DENND6A: variants seen among roughly 807,000 people sequenced by gnomAD.
The protein encoded by DENND6A is DENN domain containing 6A.
Under a neutral mutation model 95.5 loss-of-function variants are expected in DENND6A, and 43 were observed. The observed-to-expected ratio is 0.45, with a 90% confidence interval of 0.35 to 0.58. The LOEUF (loss-of-function observed/expected upper bound fraction) is 0.58, where lower values mean the gene tolerates loss of function less well. DENND6A is among the 20% of genes least tolerant of loss of function. The pLI is 0.00. For missense variants in DENND6A, 574 were observed against 736.0 expected, an observed-to-expected ratio of 0.78 and a Z score of 2.55; for synonymous variants, 257 against 260.4, an observed-to-expected ratio of 0.99 and a Z score of 0.13.
chr3:57,652,670 G>A (rs1264208919), intron 9 of DENND6A, among the ~76,000 whole-genome samples: 1 of 152,180 alleles, frequency 6.6e-6, no homozygotes, highest in African/African-American at 2.4e-5. Context: ...CAGTGGAGAA[G>A]CTTGGAGGAT....
rs574336317 is a variant in DENND6A at position 57,651,793 on chromosome 3, A to T, written c.819-5355T>A. 7.9e-4 allele frequency among the ~76,000 whole-genome samples: 120 copies of T among 152,344 alleles called. 1 individual carries two copies. Among genetic ancestry groups the T allele is most frequent in the African/African-American group, 2.4e-3 (100 of 41,582 alleles). On this transcript the variant is annotated intron_variant, in intron 9 of 19. Transcript: ENST00000311128. The stretch of plus-strand genomic sequence containing the variant: ...AAGAACATAGAAGCCACCCTGTACT[A>T]AGTTCTCACTGGCTAAACTGGGACA...
chr3:57,653,473 CGGTGGCTCACGCCT>C lies in DENND6A; in HGVS notation c.818+4193_818+4206del, dbSNP rs371945553. ...AAAAATATTAGTAGTAGGCCGGGCG[CGGTGGCTCACGCCT>C]GTAATCCCAGCACTTTGGGAGGCTG... On this transcript the variant is annotated intron_variant, in intron 9 of 19. Transcript: ENST00000311128. Among the ~76,000 whole-genome samples, 87 of 152,104 alleles carry C rather than the reference CGGTGGCTCACGCCT, an allele frequency of 5.7e-4. 1 individual carries two copies. The East Asian group carries it at 0.015, about 25-fold the overall frequency.
chr3:57,667,922 C>T (rs932513897), intron 3 of DENND6A, among the ~76,000 whole-genome samples: 3 of 152,028 alleles, frequency 2.0e-5, no homozygotes, highest in African/African-American at 4.8e-5. Context: ...AAAAATTAGC[C>T]GGATGCGGTG....
intron 12 of DENND6A, 38 bp from the exon 13 acceptor site, chr3:57,634,807 A>G (rs758304451): frequency 1.4e-5 from 20 of 1,458,818 alleles, no homozygotes; most frequent in Non-Finnish European, 1.8e-5. Flanking sequence ...TAATTATTCT[A>G]ATCATACATA....
Position 57,628,903 on chromosome 3 carries a change from C to G in DENND6A, c.1621-18G>C, listed in dbSNP as rs1422819678. On this transcript the variant is annotated intron_variant, in intron 18 of 19. Coordinates refer to ENST00000311128, the MANE Select transcript of DENND6A (RefSeq NM_152678.3). ...AGTAAGTCCTAGAATAAATAAAGTC[C>G]CAAATCAGTAAGTTCTCAAAATAAT... is the stretch of plus-strand genomic sequence containing the variant. 1 of 1,600,546 alleles carries G rather than the reference C, an allele frequency of 6.2e-7. No individual in the cohort carries two copies. Among genetic ancestry groups the G allele is most frequent in the East Asian group, 2.2e-5 (1 of 44,636 alleles).
intron 5 of DENND6A, among the ~76,000 whole-genome samples, chr3:57,662,007 A>G (rs1289921963): frequency 6.6e-6 from 1 of 151,772 alleles, no homozygotes; most frequent in Non-Finnish European, 1.5e-5. Flanking sequence ...CATTTCAGAT[A>G]CAAATTATCC....
chr3:57,683,097 T>C (rs2077181260), intron 1 of DENND6A, among the ~76,000 whole-genome samples: 1 of 152,204 alleles, frequency 6.6e-6, no homozygotes, highest in Admixed American at 6.5e-5. Flanking sequence ...TTATGGCCTA[T>C]GCAAATGGTC....
intron 1 of DENND6A, among the ~76,000 whole-genome samples, chr3:57,691,118 A>G (rs907178362): frequency 6.6e-6 from 1 of 152,244 alleles, no homozygotes; most frequent in African/African-American, 2.4e-5. Context: ...GTCCCAAATA[A>G]TGAGAATCCA....
intron 9 of DENND6A, among the ~76,000 whole-genome samples, chr3:57,653,893 C>T (rs1352832655): frequency 6.7e-6 from 1 of 149,904 alleles, no homozygotes; most frequent in South Asian, 2.1e-4. Context: ...TTATGCTAAG[C>T]TCCCACCACC....
intron 11 of DENND6A, among the ~76,000 whole-genome samples, chr3:57,643,985 C>T (rs111892433): frequency 0.13 from 20,365 of 151,100 alleles, 1,443 homozygotes; most frequent in South Asian, 0.21. Context: ...CCTGTCTCTA[C>T]TAAAAATACA....
intron 15 of DENND6A, among the ~76,000 whole-genome samples, chr3:57,631,569 C>T (rs1432455176): frequency 6.6e-6 from 1 of 152,128 alleles, no homozygotes; most frequent in Non-Finnish European, 1.5e-5. Flanking sequence ...CAACATTTTA[C>T]ATGCATGATC....
intron 9 of DENND6A, among the ~76,000 whole-genome samples, chr3:57,647,557 G>A (rs899793682): frequency 2.6e-5 from 4 of 152,286 alleles, no homozygotes; most frequent in South Asian, 2.1e-4. Flanking sequence ...TCAGTTCACA[G>A]AGCCCAGGAA....
chr3:57,670,001 CAG>C (rs1381989258), intron 3 of DENND6A, among the ~76,000 whole-genome samples: 1 of 103,142 alleles, frequency 9.7e-6, no homozygotes. Context: ...GCCTGGGTGA[CAG>C]AGCAAAACTC....
intron 12 of DENND6A, among the ~76,000 whole-genome samples, chr3:57,640,322 G>A (rs1050084433): frequency 4.7e-5 from 7 of 150,516 alleles, no homozygotes; most frequent in Admixed American, 3.3e-4. Flanking sequence ...GCAGGGAGTG[G>A]TGGCTCACAC....
At chr3:57,691,357 G>C (rs1174711448) in intron 1 of DENND6A, among the ~76,000 whole-genome samples, 18 of 152,180 alleles carry the variant, frequency 1.2e-4, no homozygotes, top group Admixed American at 1.2e-3. Flanking sequence ...AGTATTTATA[G>C]AATGCCACTA....
At chr3:57,685,237 ATATGAGT>A (rs1474342045) in intron 1 of DENND6A, among the ~76,000 whole-genome samples, 1 of 152,098 alleles carries the variant, frequency 6.6e-6, no homozygotes, top group African/African-American at 2.4e-5. Context: ...ATTCTTGTTT[ATATGAGT>A]TATATCTATC....
intron 8 of DENND6A, among the ~76,000 whole-genome samples, chr3:57,658,903 G>A (rs2071375695): frequency 6.6e-6 from 1 of 151,916 alleles, no homozygotes; most frequent in South Asian, 2.1e-4. Context: ...TATAAATTCT[G>A]AGTTCTCCAG....
intron 15 of DENND6A, 57 bp from the exon 16 acceptor site, chr3:57,631,035 C>A (rs1358944325): frequency 6.5e-7 from 1 of 1,546,548 alleles, no homozygotes; most frequent in African/African-American, 1.4e-5. Context: ...TTAAACAGAC[C>A]TACTTAAAAG....
At chr3:57,631,884 G>A (rs1303896572) in intron 15 of DENND6A, among the ~76,000 whole-genome samples, 4 of 150,586 alleles carry the variant, frequency 2.7e-5, no homozygotes, top group Non-Finnish European at 5.9e-5. Flanking sequence ...CACCACGCCC[G>A]GCTAATTTTT....
Sources: allele counts gnomAD v4.1 joint callset (sites outside exome capture counted in the v4.1 genomes callset), GRCh38; gene constraint gnomAD v4.1.1; transcripts MANE v1.5; gene names NCBI Gene and HGNC (gene_info 2026-07-23, HGNC 2026-07-21).